Variants in MACF1 observed in about 807,000 individuals in gnomAD.
MACF1 encodes microtubule actin crosslinking factor 1.
In MACF1, 193 loss-of-function variants were observed where a neutral mutation model predicts 854.8. The observed-to-expected ratio is 0.23, with a 90% CI of 0.20 to 0.25. MACF1 has a LOEUF of 0.25. Ranked by LOEUF, MACF1 falls within the 10% of genes least tolerant of loss-of-function variation. MACF1 has a pLI of 1.00. For synonymous variants in MACF1, 3,185 were observed against 3,226.7 expected (o/e 0.99, Z 0.44); for missense variants, 7,722 against 8,929.1 (o/e 0.86, Z 5.45).
At chr1:39,101,229 C>T (rs528831483) in intron 2 of MACF1, among the ~76,000 whole-genome samples, 90 of 151,542 alleles carry the variant, frequency 5.9e-4, no homozygotes, top group African/African-American at 2.1e-3. Flanking sequence ...TGGTGGCAGG[C>T]GCCTGTAATC....
intron 31 of MACF1, among the ~76,000 whole-genome samples, chr1:39,322,396 C>A (rs1245419124): frequency 6.6e-6 from 1 of 152,208 alleles, no homozygotes; most frequent in Admixed American, 6.5e-5. Flanking sequence ...CACACCCTTT[C>A]ATCTATATAT....
At chr1:39,262,270 C>T (rs913048979) in intron 6 of MACF1, among the ~76,000 whole-genome samples, 8 of 151,680 alleles carry the variant, frequency 5.3e-5, no homozygotes, top group East Asian at 1.9e-4. Flanking sequence ...GGTGTGTTGG[C>T]GCACTGTAGT....
chr1:39,279,662 C>T (rs895964410), intron 6 of MACF1, among the ~76,000 whole-genome samples: 1 of 152,154 alleles, frequency 6.6e-6, no homozygotes, highest in African/African-American at 2.4e-5. Flanking sequence ...GAAGGGAATA[C>T]ATGTACCCTC....
chr1:39,273,357 T>C (rs1645367252), intron 6 of MACF1, among the ~76,000 whole-genome samples: 1 of 151,834 alleles, frequency 6.6e-6, no homozygotes, highest in Non-Finnish European at 1.5e-5. Context: ...TTTAGGTGAA[T>C]AGTCAGATAA....
At chr1:39,305,994 C>G (rs1391333470) in intron 23 of MACF1, among the ~76,000 whole-genome samples, 3 of 152,074 alleles carry the variant, frequency 2.0e-5, no homozygotes, top group African/African-American at 7.2e-5. Flanking sequence ...TGTTTATTCT[C>G]TCCTATTAGA....
At chr1:39,230,918 C>G (rs1644770166) in intron 1 of MACF1, among the ~76,000 whole-genome samples, 1 of 152,192 alleles carries the variant, frequency 6.6e-6, no homozygotes, top group South Asian at 2.1e-4. Flanking sequence ...GCTCCCTGCT[C>G]TGCTCAAATT....
chr1:39,353,178 A>G lies in MACF1; in HGVS notation c.11371A>G (p.Met3791Val), dbSNP rs943934003. The G allele has an allele frequency of 2.5e-6, 4 of 1,611,598 alleles. No homozygotes were observed. Among genetic ancestry groups the G allele is most frequent in the African/African-American group, 1.3e-5 (1 of 74,896 alleles). The change falls in exon 44 of 101, where the codon ATG becomes GTG. Residue 3791 changes from methionine to valine, a missense_variant. Physicochemically the swap from Met to Val is conservative, Grantham distance 21 (BLOSUM62 1). Transcript: ENST00000564288. ...KGALDTTDGY[M>V]GVNQAPEKLD... ...AGCCTTGGACACCACTGATGGTTACATGGGGGTGAATCAAGCCCCAGAGAA... is the reference window on the plus strand; with the variant it reads ...AGCCTTGGACACCACTGATGGTTACGTGGGGGTGAATCAAGCCCCAGAGAA...
chr1:39,438,065 T>A, intron 71 of MACF1, 57 bp downstream of exon 71: 4 of 1,471,274 alleles, frequency 2.7e-6, no homozygotes, highest in Non-Finnish European at 3.7e-6. Context: ...TAGGCTGTGG[T>A]TATCTTCAGC....
At chr1:39,352,087 T>C (rs1319978071) in intron 43 of MACF1, among the ~76,000 whole-genome samples, 1 of 152,220 alleles carries the variant, frequency 6.6e-6, no homozygotes, top group East Asian at 1.9e-4. Flanking sequence ...CAGATTGAAT[T>C]TGAATTCTTT....
chr1:39,159,842 G>A (rs1643760829), intron 2 of MACF1, among the ~76,000 whole-genome samples: 1 of 152,144 alleles, frequency 6.6e-6, no homozygotes, highest in African/African-American at 2.4e-5. Flanking sequence ...GTGGGAGGGG[G>A]TAGAGGGAGG....
intron 2 of MACF1, among the ~76,000 whole-genome samples, chr1:39,162,561 G>A (rs908717015): frequency 7.2e-5 from 11 of 151,980 alleles, no homozygotes; most frequent in African/African-American, 1.9e-4. Flanking sequence ...TGTTGCCATG[G>A]CACTTTAAAC....
chr1:39,117,542 G>GTGTGTC (rs1350428586), intron 2 of MACF1, among the ~76,000 whole-genome samples: 1 of 115,002 alleles, frequency 8.7e-6, no homozygotes, highest in African/African-American at 2.6e-5. Context: ...AGGTGTGTGT[G>GTGTGTC]TGTGTGTGTG....
intron 28 of MACF1, 151 bp from the exon 29 acceptor site, chr1:39,317,063 T>C: frequency 1.4e-6 from 1 of 737,904 alleles, no homozygotes; most frequent in Non-Finnish European, 2.2e-6. Flanking sequence ...GACCATGACA[T>C]GTGGAGGCAG....
At chr1:39,189,477 T>C (rs1644218642) in intron 2 of MACF1, among the ~76,000 whole-genome samples, 1 of 152,204 alleles carries the variant, frequency 6.6e-6, no homozygotes, top group South Asian at 2.1e-4. Context: ...CAGAAGTTAA[T>C]CTTCCCAATT....
At position 39,388,612 on chromosome 1, in the gene MACF1, T is replaced by C. The variant is rs1641891081; in HGVS notation, c.15770T>C (p.Val5257Ala). The change falls in exon 58 of 101, where the codon GTG (valine) becomes GCG (alanine). Residue 5257 changes from valine (V) to alanine (A), a missense_variant. Val to Ala is a moderately conservative substitution (Grantham distance 64). This residue lies in a region of MACF1 where 2,807 missense variants were observed against 3,235.8 expected (regional missense o/e 0.87). Coordinates refer to ENST00000564288, the MANE Select transcript of MACF1 (RefSeq NM_001394062.1). ...AEEAEALQWV[V>A]GTEVEIINQQ... ...GAGGCAGAGGCCCTCCAGTGGGTAG[T>C]GGGGACCGAAGTGGAAATCATCAAC... is the stretch of plus-strand genomic sequence containing the variant. 2 of 1,599,764 alleles carry C rather than the reference T, an allele frequency of 1.3e-6. No individual in the cohort carries two copies. Among genetic ancestry groups the C allele is most frequent in the South Asian group, 1.1e-5 (1 of 88,880 alleles).
chr1:39,452,458 G>A, intron 86 of MACF1, 108 bp downstream of exon 86: 12 of 1,214,314 alleles, frequency 9.9e-6, no homozygotes, highest in Non-Finnish European at 1.3e-5. Flanking sequence ...GTATAACAGA[G>A]TTGAAAATTG....
chr1:39,268,782 G>C (rs998140745), intron 6 of MACF1: 2 of 1,289,704 alleles, frequency 1.6e-6, no homozygotes, highest in Non-Finnish European at 2.0e-6. Context: ...TAAGAAAAGG[G>C]TTCGGTTCAA....
At chr1:39,215,433 A>G (rs576528625) in intron 1 of MACF1, 3 of 138,398 alleles carry the variant, frequency 2.2e-5, no homozygotes, top group African/African-American at 7.6e-5. Flanking sequence ...TGTATGGGTT[A>G]GTATGTGAAG....
Position 39,460,260 on chromosome 1 carries a change from C to T in MACF1, c.21361-372C>T, listed in dbSNP as rs1467312563. Among the ~76,000 whole-genome samples, 2 of 152,150 alleles carry T rather than the reference C, an allele frequency of 1.3e-5. No homozygotes were observed. Among genetic ancestry groups the T allele is most frequent in the Non-Finnish European group, 2.9e-5 (2 of 68,026 alleles). On this transcript the variant is annotated intron_variant, in intron 91 of 100. Transcript: ENST00000564288. This position sits in a 1 kb window ranked among gnomAD's most constrained non-coding sequence, Gnocchi z 4.1. ...ATAATGCCTTTCAAAACAACATAAT[C>T]GAGGAGTGCTAAGGACCTCCCTTCT...
Sources: allele counts gnomAD v4.1 joint callset (sites outside exome capture counted in the v4.1 genomes callset), GRCh38; gene constraint gnomAD v4.1.1; regional missense constraint gnomAD v4.1.1; non-coding constraint Gnocchi (gnomAD v3.1); transcripts MANE v1.5; gene names NCBI Gene and HGNC (gene_info 2026-07-23, HGNC 2026-07-21).